Variants in SMARCA2 observed in about 807,000 individuals in gnomAD.
The protein encoded by SMARCA2 is SWI/SNF-related matrix-associated actin-dependent regulator of chromatin subfamily A member 2.
A neutral mutation model predicts 199.8 loss-of-function variants in SMARCA2; 61 were observed. The observed-to-expected ratio is 0.31, with a 90% CI of 0.25 to 0.38. The LOEUF (loss-of-function observed/expected upper bound fraction) is 0.38, where lower values mean the gene tolerates loss of function less well. Among genes scored for constraint, SMARCA2 ranks in the 10% least tolerant of loss-of-function variants. The pLI is 1.00. For missense variants in SMARCA2, 1,344 were observed against 2,012.2 expected (o/e 0.67, Z 6.35); for synonymous variants, 935 against 732.0 (o/e 1.28, Z -4.48).
At chr9:2,025,210 C>T (rs1008052566) in intron 1 of SMARCA2, among the ~76,000 whole-genome samples, 14 of 152,052 alleles carry the variant, frequency 9.2e-5, no homozygotes, top group African/African-American at 3.1e-4. Context: ...GAAGTAAGGA[C>T]GAAATCAAGA....
chr9:2,175,154 G>A (rs532008159), intron 29 of SMARCA2, among the ~76,000 whole-genome samples: 1 of 152,106 alleles, frequency 6.6e-6, no homozygotes, highest in Non-Finnish European at 1.5e-5. Flanking sequence ...CATTTAGTCA[G>A]ATGGGCAGTG....
chr9:2,143,400 G>A (rs369448107), intron 27 of SMARCA2, among the ~76,000 whole-genome samples: 127 of 152,300 alleles, frequency 8.3e-4, no homozygotes, highest in African/African-American at 2.8e-3. Context: ...AAGCCTGAGC[G>A]TATTTGAAAT....
At position 2,076,393 on chromosome 9, in the gene SMARCA2, T is replaced by C. The variant is rs139441037; in HGVS notation, c.2036+64T>C. The C allele has an allele frequency of 1.5e-3, 1,655 of 1,089,142 alleles. 17 individuals carry two copies. The African/African-American group carries it at 0.022, about 15-fold the overall frequency. The allele number at this position is 1,089,142 out of a possible 1,614,324, so 67.5% of individuals were successfully genotyped here. ...AGGATGATGCTTAATGAATTTTCTT[T>C]TAGGAAATTTTGTTCAAGGAAGGCA... On this transcript the variant is annotated intron_variant, in intron 13 of 33. Coordinates refer to ENST00000349721, the MANE Select transcript of SMARCA2 (RefSeq NM_003070.5).
intron 5 of SMARCA2, 153 bp downstream of exon 5, chr9:2,047,637 G>T (rs951459653): frequency 4.0e-5 from 38 of 938,430 alleles, no homozygotes; most frequent in Non-Finnish European, 5.1e-5. Context: ...GGCCTTCCCG[G>T]TGCTGAGGGG....
At chr9:2,152,275 G>T (rs760618154) in intron 27 of SMARCA2, among the ~76,000 whole-genome samples, 1 of 152,212 alleles carries the variant, frequency 6.6e-6, no homozygotes, top group Non-Finnish European at 1.5e-5. Context: ...AGAAAGGCTG[G>T]GTGCCATGGC....
intron 4 of SMARCA2, chr9:2,045,789 A>G (rs188241104): frequency 1.6e-3 from 247 of 151,302 alleles, no homozygotes; most frequent in Non-Finnish European, 1.9e-3. Flanking sequence ...TGTTTTACCT[A>G]ATTTTAGAAG....
chr9:2,072,985 G>C (rs1821156199), intron 10 of SMARCA2: 8 of 503,886 alleles, frequency 1.6e-5, no homozygotes, highest in Non-Finnish European at 2.5e-5. Flanking sequence ...CTGGTTGCTG[G>C]AGCTGAGGTT....
intron 4 of SMARCA2, chr9:2,045,606 A>G (rs924420244): frequency 6.6e-6 from 1 of 152,154 alleles, no homozygotes; most frequent in African/African-American, 2.4e-5. Context: ...TTATACAGGA[A>G]AAAAAGTATT....
rs1463552361 is a variant in SMARCA2, at chr9:2,058,314, A to G, written c.1371A>G (p.Gln457=). The G allele has an allele frequency of 1.2e-6, 2 of 1,614,170 alleles. No homozygotes were observed. The highest frequency in any genetic ancestry group is 8.5e-7 in the Non-Finnish European group (1 of 1,179,984). The change falls in exon 8 of 34, where the codon CAA becomes CAG. Residue 457 remains glutamine (Q), a synonymous_variant. Transcript: ENST00000349721. ...KHQEYLNSIL[Q]HAKDFKEYHR... The stretch of plus-strand genomic sequence containing the variant: ...AGGAATACCTGAACAGTATTTTGCA[A>G]CATGCAAAAGATTTTAAGGAATATC...
chr9:2,052,979 C>T (rs1349249208), intron 5 of SMARCA2, among the ~76,000 whole-genome samples: 7 of 152,130 alleles, frequency 4.6e-5, no homozygotes, highest in Non-Finnish European at 5.9e-5. Context: ...AAGACAATTT[C>T]GACTTTTATT....
intron 30 of SMARCA2, 34 bp downstream of exon 30, chr9:2,181,710 G>GTAAAT: frequency 9.4e-7 from 1 of 1,059,092 alleles, no homozygotes; most frequent in Non-Finnish European, 1.5e-6. Context: ...TATTCTTCAA[G>GTAAAT]TAAATAAAGG....
chr9:2,065,339 A>T (rs1820790839), intron 9 of SMARCA2, among the ~76,000 whole-genome samples: 1 of 152,226 alleles, frequency 6.6e-6, no homozygotes, highest in South Asian at 2.1e-4. Context: ...TTTTGGAAAC[A>T]TATGATACTA....
intron 27 of SMARCA2, among the ~76,000 whole-genome samples, chr9:2,132,447 A>AT (rs1470648566): frequency 3.9e-5 from 6 of 151,954 alleles, no homozygotes; most frequent in Admixed American, 3.9e-4. Context: ...CACTGGCAAG[A>AT]TTTTTTTGTG....
In SMARCA2 at chr9:2,058,373, C is replaced by T; in HGVS notation, c.1430C>T (p.Ser477Phe). 1 of 1,614,086 alleles carries T rather than the reference C, an allele frequency of 6.2e-7. No homozygotes were observed. The highest frequency in any genetic ancestry group is 1.1e-5 in the South Asian group (1 of 91,084). Residue 477 changes from serine (S) to phenylalanine (F), a missense_variant, in exon 8 of 34, where the codon TCC (serine) becomes TTC (phenylalanine). Around this residue, in one of 18 missense-constraint regions of SMARCA2, gnomAD observed 155 missense variants for 260.0 expected, o/e 0.60. Transcript: ENST00000349721. ...GTGGCCGGAAAGATCCAGAAGCTCTCCAAAGCAGTGGCAACTTGGCATGCC... is the reference window on the plus strand; with the variant it reads ...GTGGCCGGAAAGATCCAGAAGCTCTTCAAAGCAGTGGCAACTTGGCATGCC... ...RSVAGKIQKLSKAVATWHANT... is the reference protein window; with the variant it reads ...RSVAGKIQKLFKAVATWHANT...
intron 28 of SMARCA2, chr9:2,162,950 CAGTT>C (rs1825756688): frequency 6.6e-6 from 1 of 152,196 alleles, no homozygotes. Context: ...GGCTGAGAAG[CAGTT>C]AGTTACCAGA....
At chr9:2,018,935 C>T (rs1586612406) in intron 1 of SMARCA2, among the ~76,000 whole-genome samples, 1 of 152,226 alleles carries the variant, frequency 6.6e-6, no homozygotes, top group East Asian at 1.9e-4. Context: ...AGAGGCGTGG[C>T]AGATTTGAAT....
At chr9:2,166,051 A>T (rs756110669) in intron 28 of SMARCA2, among the ~76,000 whole-genome samples, 1 of 152,228 alleles carries the variant, frequency 6.6e-6, no homozygotes, top group Non-Finnish European at 1.5e-5. Flanking sequence ...GGATGCAGCC[A>T]TCTGACCCCT....
At chr9:2,189,358 C>T (rs1827718492) in intron 32 of SMARCA2, among the ~76,000 whole-genome samples, 1 of 152,022 alleles carries the variant, frequency 6.6e-6, no homozygotes, top group African/African-American at 2.4e-5. Flanking sequence ...TCCACTGACG[C>T]GTGCCTGACA....
At chr9:2,163,915 A>G (rs951525614) in intron 28 of SMARCA2, among the ~76,000 whole-genome samples, 5 of 152,166 alleles carry the variant, frequency 3.3e-5, no homozygotes, top group African/African-American at 7.2e-5. Context: ...GGTGGGGGTC[A>G]GCAAATACAT....
Sources: allele counts gnomAD v4.1 joint callset (sites outside exome capture counted in the v4.1 genomes callset), GRCh38; gene constraint gnomAD v4.1.1; regional missense constraint gnomAD v4.1.1; transcripts MANE v1.5; gene names NCBI Gene and HGNC (gene_info 2026-07-23, HGNC 2026-07-21).